MRPL1: variants seen among roughly 807,000 people sequenced by gnomAD.
MRPL1 encodes the protein mitochondrial ribosomal protein L1, also known as large ribosomal subunit protein uL1m.
Under a neutral mutation model 38.0 loss-of-function variants are expected in MRPL1, and 28 were observed. The ratio of observed to expected loss-of-function variants is 0.74; its 90% confidence interval spans 0.55 to 1.01. The LOEUF is 1.01. Among genes scored for constraint, MRPL1 ranks in the 50% least tolerant of loss-of-function variants. The probability of loss-of-function intolerance (pLI) is 0.00; values close to 1 mark genes in which losing one functional copy is unlikely to be tolerated. For missense variants in MRPL1, 358 were observed against 389.8 expected, an observed-to-expected ratio of 0.92 and a Z score of 0.69; for synonymous variants, 123 against 126.7, an observed-to-expected ratio of 0.97 and a Z score of 0.20.
chr4:77,882,348 A>G (rs1014369594), intron 2 of MRPL1, among the ~76,000 whole-genome samples: 2 of 152,202 alleles, frequency 1.3e-5, no homozygotes, highest in Admixed American at 1.3e-4. Context: ...CATATCACAC[A>G]ATTCACCCAT....
intron 1 of MRPL1, among the ~76,000 whole-genome samples, chr4:77,866,428 C>T (rs28685099): frequency 0.52 from 78,854 of 152,048 alleles, 20,907 homozygotes; most frequent in Admixed American, 0.57. Flanking sequence ...TTCTTTTTAC[C>T]TTATATATTG....
chr4:77,912,785 G>C (rs1176640803), intron 7 of MRPL1, among the ~76,000 whole-genome samples: 1 of 152,106 alleles, frequency 6.6e-6, no homozygotes, highest in African/African-American at 2.4e-5. Flanking sequence ...AAGTCTACCT[G>C]ATTTCAAGAT....
At chr4:77,916,340 A>ACACTTTGGGAGGCCGAGGCGGGCGG (rs1736423983) in intron 7 of MRPL1, among the ~76,000 whole-genome samples, 1 of 152,186 alleles carries the variant, frequency 6.6e-6, no homozygotes, top group African/African-American at 2.4e-5. Context: ...GAAACACTAG[A>ACACTTTGGGAGGCCGAGGCGGGCGG]ACCCATTTCC....
At chr4:77,922,496 C>T (rs2110254867) in intron 7 of MRPL1, among the ~76,000 whole-genome samples, 1 of 152,280 alleles carries the variant, frequency 6.6e-6, no homozygotes, top group South Asian at 2.1e-4. Flanking sequence ...AGTCTCACTG[C>T]TGTATTGGCA....
intron 6 of MRPL1, among the ~76,000 whole-genome samples, chr4:77,901,544 A>T (rs1373787759): frequency 6.6e-6 from 1 of 152,096 alleles, no homozygotes. Flanking sequence ...TGAAAGTAAA[A>T]TGGTGGATAA....
chr4:77,932,205 A>G (rs1383742439), intron 7 of MRPL1, among the ~76,000 whole-genome samples: 1 of 152,198 alleles, frequency 6.6e-6, no homozygotes, highest in African/African-American at 2.4e-5. Flanking sequence ...TTCAAAGTCA[A>G]ACTGGAATTA....
chr4:77,900,991 AG>A (rs1211738628), intron 6 of MRPL1, among the ~76,000 whole-genome samples: 6 of 151,804 alleles, frequency 4.0e-5, no homozygotes, highest in Admixed American at 6.6e-5. Flanking sequence ...GATTAAATGT[AG>A]GGGGTAAGGG....
intron 2 of MRPL1, among the ~76,000 whole-genome samples, chr4:77,877,327 A>G (rs556148974): frequency 6.6e-6 from 1 of 152,124 alleles, no homozygotes; most frequent in South Asian, 2.1e-4. Flanking sequence ...CATTGAGTCA[A>G]TCTTGTCAGG....
At position 77,949,525 on chromosome 4, in the gene MRPL1, T is replaced by C. The variant is rs573309278; in HGVS notation, c.778-272T>C. ...TGATGTATTCTGCTCCAAGATATGC[T>C]TTAGGGAAATTACTTGGAAGTCAAG... On this transcript the variant is annotated intron_variant, in intron 7 of 8. Coordinates refer to ENST00000315567, the MANE Select transcript of MRPL1 (RefSeq NM_020236.4). Among the ~76,000 whole-genome samples, 8 of 152,108 alleles carry C rather than the reference T, an allele frequency of 5.3e-5. No homozygotes were observed. In the South Asian group the frequency reaches 1.7e-3, roughly 32 times the overall value.
At chr4:77,915,898 A>G (rs1303762218) in intron 7 of MRPL1, among the ~76,000 whole-genome samples, 1 of 152,254 alleles carries the variant, frequency 6.6e-6, no homozygotes, top group Non-Finnish European at 1.5e-5. Context: ...TTATATTGCT[A>G]TCACATAGAC....
chr4:77,885,874 A>G (rs1231892677), intron 4 of MRPL1, among the ~76,000 whole-genome samples: 1 of 152,218 alleles, frequency 6.6e-6, no homozygotes, highest in Non-Finnish European at 1.5e-5. Context: ...CATCATTACT[A>G]GAATGCTACA....
At chr4:77,912,104 G>A (rs1463763434) in intron 7 of MRPL1, among the ~76,000 whole-genome samples, 2 of 152,154 alleles carry the variant, frequency 1.3e-5, no homozygotes, top group Non-Finnish European at 2.9e-5. Context: ...AACCTGAAAA[G>A]AGTGTCTAAG....
At chr4:77,910,290 C>T (rs1736255770) in intron 7 of MRPL1, among the ~76,000 whole-genome samples, 1 of 152,152 alleles carries the variant, frequency 6.6e-6, no homozygotes, top group African/African-American at 2.4e-5. Context: ...CATCTTGCCT[C>T]ATGACTGGAA....
intron 7 of MRPL1, among the ~76,000 whole-genome samples, chr4:77,927,227 T>TA (rs1202356915): frequency 1.3e-5 from 2 of 152,200 alleles, no homozygotes; most frequent in Non-Finnish European, 2.9e-5. Context: ...GAGTGTCTAA[T>TA]AAAAAATATT....
intron 2 of MRPL1, among the ~76,000 whole-genome samples, chr4:77,872,622 T>C (rs760486461): frequency 1.7e-4 from 26 of 152,104 alleles, no homozygotes; most frequent in Non-Finnish European, 2.9e-4. Context: ...CCCGGCACTT[T>C]GGGAGGCCGA....
intron 5 of MRPL1, among the ~76,000 whole-genome samples, chr4:77,892,778 A>G (rs1191476011): frequency 2.0e-5 from 3 of 152,162 alleles, no homozygotes; most frequent in Non-Finnish European, 4.4e-5. Flanking sequence ...CTGTTTTTCA[A>G]TTCTAGCTCT....
chr4:77,904,258 A>AT (rs1233908497), intron 6 of MRPL1, among the ~76,000 whole-genome samples: 14 of 151,570 alleles, frequency 9.2e-5, no homozygotes, highest in Non-Finnish European at 2.9e-5. Context: ...AAAAAAAAAA[A>AT]GGAGAAAAAG....
chr4:77,918,961 A>G (rs915475568), intron 7 of MRPL1, among the ~76,000 whole-genome samples: 7 of 152,224 alleles, frequency 4.6e-5, no homozygotes, highest in Non-Finnish European at 7.3e-5. Context: ...AATTTAACCA[A>G]TGTGAAACTA....
At chr4:77,944,182 C>G (rs1578065333) in intron 7 of MRPL1, among the ~76,000 whole-genome samples, 1 of 152,184 alleles carries the variant, frequency 6.6e-6, no homozygotes, top group Non-Finnish European at 1.5e-5. Flanking sequence ...CCAGCAGTTA[C>G]CAGGCTCCAG....
Sources: allele counts gnomAD v4.1 joint callset (sites outside exome capture counted in the v4.1 genomes callset), GRCh38; gene constraint gnomAD v4.1.1; transcripts MANE v1.5; gene names NCBI Gene and HGNC (gene_info 2026-07-23, HGNC 2026-07-21).